Variants in EFCAB6 observed in about 807,000 individuals in gnomAD.
EFCAB6 encodes the protein EF-hand calcium-binding domain-containing protein 6.
A neutral mutation model predicts 169.8 loss-of-function variants in EFCAB6; 156 were observed. The ratio of observed to expected loss-of-function variants is 0.92; its 90% CI spans 0.81 to 1.05. The LOEUF (loss-of-function observed/expected upper bound fraction) is 1.05. Among genes scored for constraint, EFCAB6 ranks in the 50% least tolerant of loss-of-function variants. EFCAB6 has a pLI of 0.00. For missense variants in EFCAB6, 1,800 were observed against 1,829.1 expected (o/e 0.98, Z 0.29); for synonymous variants, 698 against 676.4 (o/e 1.03, Z -0.50).
At chr22:43,760,766 C>G (rs533007327) in intron 5 of EFCAB6, among the ~76,000 whole-genome samples, 6 of 151,372 alleles carry the variant, frequency 4.0e-5, no homozygotes, top group Admixed American at 6.6e-5. Context: ...TCAAGTGATT[C>G]TCCTGCCTCA....
At chr22:43,765,965 A>G (rs1490547864) in intron 4 of EFCAB6, among the ~76,000 whole-genome samples, 2 of 152,206 alleles carry the variant, frequency 1.3e-5, no homozygotes, top group Non-Finnish European at 2.9e-5. Context: ...AGCTCTTAGG[A>G]AATGTACACT....
chr22:43,658,211 G>A (rs756690779), intron 17 of EFCAB6, among the ~76,000 whole-genome samples: 1 of 152,006 alleles, frequency 6.6e-6, no homozygotes, highest in Non-Finnish European at 1.5e-5. Flanking sequence ...CAGCCTGGGC[G>A]ACGGAGCAAA....
chr22:43,630,539 G>C (rs1050971029), intron 19 of EFCAB6, among the ~76,000 whole-genome samples: 3 of 152,202 alleles, frequency 2.0e-5, no homozygotes, highest in African/African-American at 7.2e-5. Context: ...AGAGAGGAGA[G>C]AGTCTGAGAG....
At chr22:43,570,905 C>T (rs538662153) in intron 26 of EFCAB6, among the ~76,000 whole-genome samples, 2 of 152,332 alleles carry the variant, frequency 1.3e-5, no homozygotes, top group East Asian at 1.9e-4. Flanking sequence ...CCTGGACTCC[C>T]CCACCATGGA....
At chr22:43,649,867 GGGCAGACGGCCCA>G (rs2056379487) in intron 17 of EFCAB6, among the ~76,000 whole-genome samples, 1 of 152,194 alleles carries the variant, frequency 6.6e-6, no homozygotes, top group Non-Finnish European at 1.5e-5. Context: ...CTCAGGACTG[GGGCAGACGGCCCA>G]GGCAGACAGA....
chr22:43,801,321 A>G (rs2062705121), intron 2 of EFCAB6, among the ~76,000 whole-genome samples: 1 of 152,236 alleles, frequency 6.6e-6, no homozygotes, highest in Non-Finnish European at 1.5e-5. Flanking sequence ...CCTGTCTTAC[A>G]AGAAATGCCA....
At chr22:43,720,021 C>T (rs2059464672) in intron 8 of EFCAB6, among the ~76,000 whole-genome samples, 2 of 152,046 alleles carry the variant, frequency 1.3e-5, no homozygotes, top group South Asian at 4.1e-4. Flanking sequence ...TCTCACCACA[C>T]ACAAAAAAAG....
intron 11 of EFCAB6, among the ~76,000 whole-genome samples, chr22:43,684,435 G>A (rs2058114056): frequency 6.6e-6 from 1 of 152,044 alleles, no homozygotes. Flanking sequence ...ACCCCCTCTG[G>A]AGACCAAAAC....
intron 10 of EFCAB6, among the ~76,000 whole-genome samples, chr22:43,710,121 C>G (rs551733268): frequency 6.6e-6 from 1 of 152,278 alleles, no homozygotes; most frequent in South Asian, 2.1e-4. Flanking sequence ...CTTACCTGGA[C>G]AGAAAACCAG....
chr22:43,756,953 T>C (rs917060148), intron 5 of EFCAB6, among the ~76,000 whole-genome samples: 6 of 151,992 alleles, frequency 3.9e-5, no homozygotes, highest in African/African-American at 1.4e-4. Context: ...AGACCAGAGC[T>C]GGATGGGCAA....
At chr22:43,769,370 T>A (rs980348653) in intron 4 of EFCAB6, among the ~76,000 whole-genome samples, 1 of 152,236 alleles carries the variant, frequency 6.6e-6, no homozygotes, top group African/African-American at 2.4e-5. Flanking sequence ...GAGGACAGTT[T>A]CTTTTTGGAA....
chr22:43,614,190 A>AAAAAAAAAAAAAAAAAAAAAC, intron 21 of EFCAB6, among the ~76,000 whole-genome samples: 1 of 150,648 alleles, frequency 6.6e-6, no homozygotes, highest in African/African-American at 2.4e-5. Flanking sequence ...AAAAAAAAAA[A>AAAAAAAAAAAAAAAAAAAAAC]AAAGAACAAA....
chr22:43,690,366 A>AAAAAG (rs2058365103), intron 10 of EFCAB6, among the ~76,000 whole-genome samples: 1 of 144,612 alleles, frequency 6.9e-6, no homozygotes, highest in Non-Finnish European at 1.5e-5. Flanking sequence ...AAAAAAAAAA[A>AAAAAG]TTAGCCGGGC....
intron 8 of EFCAB6, among the ~76,000 whole-genome samples, chr22:43,721,448 G>A (rs2059522217): frequency 6.6e-6 from 1 of 152,028 alleles, no homozygotes; most frequent in Non-Finnish European, 1.5e-5. Context: ...GCAATCCTAA[G>A]CAAAAAGAAC....
intron 10 of EFCAB6, among the ~76,000 whole-genome samples, chr22:43,694,573 G>T (rs1337446597): frequency 6.6e-6 from 1 of 151,976 alleles, no homozygotes; most frequent in East Asian, 1.9e-4. Context: ...TTAACAAATA[G>T]ACTCAGGTAA....
intron 6 of EFCAB6, among the ~76,000 whole-genome samples, chr22:43,745,629 T>C (rs1449461259): frequency 6.6e-6 from 1 of 152,222 alleles, no homozygotes; most frequent in Admixed American, 6.5e-5. Flanking sequence ...GCTGTCAGTC[T>C]GGCACCTTTC....
chr22:43,658,163 C>T (rs920084955), intron 17 of EFCAB6, among the ~76,000 whole-genome samples: 2 of 151,912 alleles, frequency 1.3e-5, no homozygotes, highest in Non-Finnish European at 2.9e-5. Context: ...TGGGTGGGGG[C>T]GGAGTTTGCA....
intron 23 of EFCAB6, among the ~76,000 whole-genome samples, 161 bp from the exon 24 acceptor site, chr22:43,590,390 G>A (rs2051400892): frequency 2.1e-5 from 2 of 94,738 alleles, no homozygotes; most frequent in African/African-American, 4.1e-5. Context: ...GACATTAAAA[G>A]ATATCCCAGA....
rs750687549 is a variant in EFCAB6 at position 43,530,826 on chromosome 22, C to A, written c.4372G>T (p.Asp1458Tyr). Residue 1458 changes from aspartate (D) to tyrosine (Y), a missense_variant, in exon 31 of 32, where the codon GAT becomes TAT. By Grantham distance (160) the Asp-to-Tyr change is radical. Coordinates refer to ENST00000262726, the MANE Select transcript of EFCAB6 (RefSeq NM_022785.4). ...AGAGCTGTGCTCACCGTCCTGAAAT[C>A]TGCGACGCTTAGCAGCCCTGTTCCA... Reference protein sequence around the residue: ...EAGTGLLSVADFRTVLRQYSI... With the variant: ...EAGTGLLSVAYFRTVLRQYSI... The A allele has an allele frequency of 1.2e-6, 2 of 1,613,848 alleles. No homozygotes were observed. Among genetic ancestry groups the A allele is most frequent in the South Asian group, 1.1e-5 (1 of 91,060 alleles).
Sources: gnomAD v4.1 joint callset for allele counts (sites outside exome capture counted in the v4.1 genomes callset) on GRCh38, gnomAD v4.1.1 for gene constraint, MANE v1.5 for transcripts, NCBI Gene and HGNC (gene_info 2026-07-23, HGNC 2026-07-21) for gene names.